The following ATAD2B variants were observed in gnomAD, a reference collection of about 807,000 sequenced individuals.
ATAD2B encodes the protein ATPase family AAA domain-containing protein 2B.
ATAD2B carries 40 observed loss-of-function variants against 167.6 expected under a neutral mutation model. The observed-to-expected ratio is 0.24, with a 90% CI of 0.19 to 0.31. The LOEUF (loss-of-function observed/expected upper bound fraction) is 0.31. Among genes scored for constraint, ATAD2B ranks in the 10% least tolerant of loss-of-function variants. ATAD2B has a pLI of 1.00. For synonymous variants in ATAD2B, 579 were observed against 596.5 expected (o/e 0.97, Z 0.43); for missense variants, 1,242 against 1,757.2 (o/e 0.71, Z 5.24).
At chr2:23,903,909 A>G (rs1361086216) in intron 1 of ATAD2B, among the ~76,000 whole-genome samples, 3 of 152,206 alleles carry the variant, frequency 2.0e-5, no homozygotes, top group African/African-American at 7.2e-5. Flanking sequence ...TAAATACAGT[A>G]AGGGCAGGTA....
the ATAD2B span, chr2:23,706,414 G>A: frequency 6.2e-6 from 8 of 1,284,278 alleles, no homozygotes; most frequent in African/African-American, 1.2e-4. Flanking sequence ...ACACGACGTT[G>A]AGAACCTATC....
the ATAD2B span, chr2:23,697,935 G>A: frequency 2.6e-5 from 4 of 152,200 alleles, no homozygotes; most frequent in Admixed American, 6.5e-5. Flanking sequence ...AAACTGAACT[G>A]GATCCGTCAT....
the ATAD2B span, among the ~76,000 whole-genome samples, chr2:23,701,491 T>C: frequency 1.3e-5 from 2 of 152,262 alleles, no homozygotes; most frequent in African/African-American, 4.8e-5. Context: ...GGTGGGAGGA[T>C]TGCTTAAGCT....
At chr2:23,765,892 A>G (rs1310811388) in intron 22 of ATAD2B, among the ~76,000 whole-genome samples, 1 of 152,206 alleles carries the variant, frequency 6.6e-6, no homozygotes, top group Non-Finnish European at 1.5e-5. Context: ...CAAGAAAAAG[A>G]TACATGGTTT....
rs1368987680 is a variant in ATAD2B at position 23,757,912 on chromosome 2, C to G, written c.3584G>C (p.Gly1195Ala). 6.2e-7 allele frequency: 1 copy of G among 1,607,216 alleles called. No homozygotes were observed. Among genetic ancestry groups the G allele is most frequent in the Non-Finnish European group, 8.5e-7 (1 of 1,178,296 alleles). Residue 1195 changes from glycine (G) to alanine (A), a missense_variant, in exon 25 of 28, where the codon GGA becomes GCA. Physicochemically the swap from Gly to Ala is moderately conservative, Grantham distance 60. This residue lies in a region of ATAD2B where 282 missense variants were observed against 346.8 expected (regional missense o/e 0.81). Transcript: ENST00000238789. Reference protein sequence around the residue: ...EVSTDCHEENGEETGDLSMTN... With the variant: ...EVSTDCHEENAEETGDLSMTN... The stretch of plus-strand genomic sequence containing the variant: ...CATAGATAAGTCTCCAGTCTCTTCT[C>G]CATTTTCCTCATGGCAGTCAGTGCT...
At chr2:23,881,643 G>A (rs1697922361) in intron 6 of ATAD2B, among the ~76,000 whole-genome samples, 1 of 152,064 alleles carries the variant, frequency 6.6e-6, no homozygotes, top group African/African-American at 2.4e-5. Context: ...TTATAGGCGT[G>A]AGCCACCGCG....
At chr2:23,761,484 C>A (rs76792808) in intron 24 of ATAD2B, among the ~76,000 whole-genome samples, 1 of 151,646 alleles carries the variant, frequency 6.6e-6, no homozygotes, top group Non-Finnish European at 1.5e-5. Flanking sequence ...TTCCAAAATC[C>A]AAAAAAAATC....
the ATAD2B span, among the ~76,000 whole-genome samples, chr2:23,686,299 T>C: frequency 1.3e-5 from 2 of 151,752 alleles, no homozygotes; most frequent in African/African-American, 2.4e-5. Context: ...GTAGGATGTG[T>C]CTCGGTGGCC....
intron 18 of ATAD2B, among the ~76,000 whole-genome samples, chr2:23,802,636 CAA>C (rs879810887): frequency 3.7e-5 from 5 of 134,506 alleles, no homozygotes; most frequent in Admixed American, 1.5e-4. Flanking sequence ...GTCTACAACT[CAA>C]AAAAAAAAAA....
Position 23,751,668 on chromosome 2 carries a change from C to T in ATAD2B, c.*378G>A, listed in dbSNP as rs1572616407. On this transcript the variant is annotated 3_prime_UTR_variant, in exon 28 of 28. Coordinates refer to ENST00000238789, the MANE Select transcript of ATAD2B (RefSeq NM_017552.4). ...TGCCCACTGTTTAAACAATTCAACA[C>T]AGTTAGAACTGCCCCCATCCAGTTT... is the stretch of plus-strand genomic sequence containing the variant. 4.5e-6 allele frequency: 1 copy of T among 222,376 alleles called. No homozygotes were observed. Among genetic ancestry groups the T allele is most frequent in the South Asian group, 8.1e-5 (1 of 12,274 alleles). 13.8% of individuals were successfully genotyped at this position (222,376 alleles called of 1,614,324 possible).
chr2:23,849,023 CTTTCAAAG>C (rs1300421687), intron 13 of ATAD2B, among the ~76,000 whole-genome samples: 2 of 151,480 alleles, frequency 1.3e-5, no homozygotes, highest in Admixed American at 1.3e-4. Context: ...TAAAAAAAAA[CTTTCAAAG>C]TTTCAAAGTG....
At chr2:23,720,409 A>G in the ATAD2B span, among the ~76,000 whole-genome samples, 1 of 152,138 alleles carries the variant, frequency 6.6e-6, no homozygotes, top group Non-Finnish European at 1.5e-5. Context: ...CCCCATCTCT[A>G]TTAAAAGTAC....
chr2:23,921,884 G>A (rs145890453), intron 1 of ATAD2B, among the ~76,000 whole-genome samples: 2 of 152,210 alleles, frequency 1.3e-5, no homozygotes, highest in Non-Finnish European at 2.9e-5. Flanking sequence ...GCTCATCTGA[G>A]AGTTACACAC....
chr2:23,728,190 G>T, the ATAD2B span, among the ~76,000 whole-genome samples: 17 of 152,076 alleles, frequency 1.1e-4, no homozygotes, highest in Admixed American at 8.5e-4. Flanking sequence ...ATTTCAGTAT[G>T]TTATGTTCAA....
intron 12 of ATAD2B, among the ~76,000 whole-genome samples, chr2:23,862,731 T>A (rs934799310): frequency 6.6e-6 from 1 of 152,226 alleles, no homozygotes; most frequent in Admixed American, 6.5e-5. Context: ...TTACAGCTCA[T>A]GAAAATAACA....
chr2:23,922,849 CAA>C (rs1189820010), intron 1 of ATAD2B, among the ~76,000 whole-genome samples: 1 of 151,874 alleles, frequency 6.6e-6, no homozygotes, highest in Non-Finnish European at 1.5e-5. Context: ...GTCAAAAAGA[CAA>C]GAGACAACAA....
Position 23,887,890 on chromosome 2 carries a change from T to C in ATAD2B, c.514A>G (p.Arg172Gly), listed in dbSNP as rs753576687. 1 of 1,611,180 alleles carries C rather than the reference T, an allele frequency of 6.2e-7. No individual in the cohort carries two copies. The highest frequency in any genetic ancestry group is 8.5e-7 in the Non-Finnish European group (1 of 1,178,994). Reference sequence around the variant, plus strand: ...TTCACACTTTCAAATCTGTTTTTCCTGGAACGACAACTTTTTCTGACTTCC... The same window carrying C: ...TTCACACTTTCAAATCTGTTTTTCCCGGAACGACAACTTTTTCTGACTTCC... ...DMEVRKSCRS[R>G]KNRFESVNQS... Residue 172 changes from arginine to glycine, a missense_variant, in exon 4 of 28, where the codon AGG becomes GGG. Transcript: ENST00000238789.
intron 22 of ATAD2B, among the ~76,000 whole-genome samples, chr2:23,771,537 T>C (rs1029917143): frequency 1.3e-5 from 2 of 152,164 alleles, no homozygotes; most frequent in African/African-American, 4.8e-5. Context: ...AGCTTGATGA[T>C]AGTCTGCTGA....
At chr2:23,835,664 A>G (rs903727345) in intron 13 of ATAD2B, among the ~76,000 whole-genome samples, 2 of 152,158 alleles carry the variant, frequency 1.3e-5, no homozygotes, top group African/African-American at 2.4e-5. Context: ...AGCTGGGCAC[A>G]GTGGCTCACA....
Sources: allele counts gnomAD v4.1 joint callset (sites outside exome capture counted in the v4.1 genomes callset), GRCh38; gene constraint gnomAD v4.1.1; regional missense constraint gnomAD v4.1.1; transcripts MANE v1.5; gene names NCBI Gene and HGNC (gene_info 2026-07-23, HGNC 2026-07-21).